Variants in PLA2G4F observed in about 807,000 individuals in gnomAD.
The protein encoded by PLA2G4F is phospholipase A2 group IVF, also known as cytosolic phospholipase A2 zeta.
PLA2G4F carries 105 observed loss-of-function variants against 103.1 expected under a neutral mutation model. The observed-to-expected ratio is 1.02, with a 90% CI of 0.87 to 1.20. PLA2G4F has a LOEUF of 1.20. PLA2G4F is among the 50% of genes most tolerant of loss of function. PLA2G4F has a pLI of 0.00. For missense variants in PLA2G4F, 1,155 were observed against 1,075.9 expected (o/e 1.07, Z -1.03); for synonymous variants, 468 against 441.1 (o/e 1.06, Z -0.76).
intron 16 of PLA2G4F, 75 bp downstream of exon 16, chr15:42,145,500 C>T: frequency 1.4e-6 from 2 of 1,432,112 alleles, no homozygotes; most frequent in Admixed American, 1.7e-5. Context: ...TGTCCCCTCC[C>T]TCATTCTTCT....
intron 6 of PLA2G4F, among the ~76,000 whole-genome samples, chr15:42,153,050 C>T (rs1029807070): frequency 6.6e-6 from 1 of 152,188 alleles, no homozygotes; most frequent in Non-Finnish European, 1.5e-5. Context: ...GTGGCTGCTC[C>T]GGTGGTCTCA....
At position 42,147,231 on chromosome 15, in the gene PLA2G4F, G is replaced by A. The variant is rs760514912; in HGVS notation, c.1312C>T (p.Arg438Trp). The A allele has an allele frequency of 2.0e-5, 32 of 1,612,718 alleles. No individual in the cohort carries two copies. Among genetic ancestry groups the A allele is most frequent in the African/African-American group, 2.7e-5 (2 of 74,972 alleles). Residue 438 changes from arginine to tryptophan, a missense_variant, in exon 13 of 20, where the codon CGG (arginine) becomes TGG (tryptophan). Coordinates refer to ENST00000397272, the MANE Select transcript of PLA2G4F (RefSeq NM_213600.4). The part of the protein sequence containing the change: ...SSKMGALSTE[R>W]LQYYTQELGV... ...AGTTCCTGAGTGTAGTACTGTAGCC[G>A]CTCCGTGGACAAAGCTCCCATCTTA...
Position 42,151,231 on chromosome 15 carries a change from C to T in PLA2G4F, c.602-454G>A, listed in dbSNP as rs2048958768. On this transcript the variant is annotated intron_variant, in intron 7 of 19. Coordinates refer to ENST00000397272, the MANE Select transcript of PLA2G4F (RefSeq NM_213600.4). ...CTGCAAGTTGTTCTGGCCTTTGTTT[C>T]CAAGTGTAGAACGTTGGGAGAGGAA... The T allele has an allele frequency of 6.1e-6, 6 of 985,224 alleles. No homozygotes were observed. The South Asian group carries it at 2.3e-4, about 39-fold the overall frequency. The allele number at this position is 985,224 out of a possible 1,614,324, so 61.0% of individuals were successfully genotyped here.
Position 42,144,027 on chromosome 15 carries a change from G to C in PLA2G4F, c.2093C>G (p.Ala698Gly), listed in dbSNP as rs758203357. The C allele has an allele frequency of 1.2e-6, 2 of 1,613,980 alleles. No individual in the cohort carries two copies. Residue 698 changes from alanine to glycine, a missense_variant, in exon 18 of 20, where the codon GCA becomes GGA. Ala to Gly is a moderately conservative substitution (Grantham distance 60). Around this residue, in one of 3 missense-constraint regions of PLA2G4F, gnomAD observed 782 missense variants for 692.9 expected, o/e 1.13. Transcript: ENST00000397272. ...GTCAAAGGACAGAATGAGGTCCACT[G>C]CTCTCTGAGGCAGCAGAGCCAGTGG... ...PFPLALLPQR[A>G]VDLILSFDYS... is the part of the protein sequence containing the mutation.
At chr15:42,143,335 T>TC (rs1290642139) in intron 18 of PLA2G4F, among the ~76,000 whole-genome samples, 2 of 152,034 alleles carry the variant, frequency 1.3e-5, no homozygotes, top group East Asian at 1.9e-4. Context: ...CTCTCACCCC[T>TC]CTCTGCTCCC....
rs2141123366 is a variant in PLA2G4F at position 42,141,427 on chromosome 15, G to A, written c.*557C>T. 1 of 451,950 alleles carries A rather than the reference G, an allele frequency of 2.2e-6. No homozygotes were observed. The allele number at this position is 451,950 out of a possible 1,614,324, so 28.0% of individuals were successfully genotyped here. On this transcript the variant is annotated 3_prime_UTR_variant, in exon 20 of 20. Transcript: ENST00000397272. The stretch of plus-strand genomic sequence containing the variant: ...ACGAGGAGACCAGAAGGCAGAAGGA[G>A]GGTTAGGATGATGGAGTCAGCAACA...
Position 42,141,921 on chromosome 15 carries a change from T to C in PLA2G4F, c.*63A>G. On this transcript the variant is annotated 3_prime_UTR_variant, in exon 20 of 20. Transcript: ENST00000397272. ...ACAGAGTCCCCATCGCTCCTCCCTC[T>C]ACAAGCCCTGACCATGAGCAGTGTG... 1 of 1,508,060 alleles carries C rather than the reference T, an allele frequency of 6.6e-7. No individual in the cohort carries two copies. The highest frequency in any genetic ancestry group is 9.1e-7 in the Non-Finnish European group (1 of 1,098,398). The allele number at this position is 1,508,060 out of a possible 1,614,324, so 93.4% of individuals were successfully genotyped here. A position where few individuals can be genotyped will look rare whatever the true frequency, so the allele number is the denominator to read the frequency against.
At position 42,149,723 on chromosome 15, in the gene PLA2G4F, T is replaced by A. The variant is rs1340454168; in HGVS notation, c.1049A>T (p.Asp350Val). ...QQVLGLSEAL[D>V]SGQVPVVAVL... is the part of the protein sequence containing the mutation. ...TCCTCCATTACGTACCTGGCCACTG[T>A]CCAGAGCCTCACTCAATCCCAGCAC... is the stretch of plus-strand genomic sequence containing the variant. The change falls in exon 11 of 20, where the codon GAC becomes GTC. Residue 350 changes from aspartate to valine, a missense_variant. By Grantham distance (152) the Asp-to-Val change is radical. This residue lies in a region of PLA2G4F where 782 missense variants were observed against 692.9 expected (regional missense o/e 1.13). Transcript: ENST00000397272. The A allele has an allele frequency of 3.1e-6, 5 of 1,614,040 alleles. No individual in the cohort carries two copies. Among genetic ancestry groups the A allele is most frequent in the Non-Finnish European group, 4.2e-6 (5 of 1,180,022 alleles).
Position 42,145,682 on chromosome 15 carries a change from C to A in PLA2G4F, c.1673G>T (p.Gly558Val). ...GGTGGCAAAGGCGCTGCCCCACATA[C>A]CTAAGGAGACAGGCAGGCCCCCACC... ...QPEPRICYLQ[G>V]MWGSAFATSL... The change falls in exon 16 of 20, where the codon GGT becomes GTT. Residue 558 changes from glycine (G) to valine (V), a missense_variant and splice_region_variant. Physicochemically the swap from Gly to Val is moderately radical, Grantham distance 109 (BLOSUM62 -3). Transcript: ENST00000397272. The A allele has an allele frequency of 6.2e-7, 1 of 1,614,078 alleles. No individual in the cohort carries two copies. The highest frequency in any genetic ancestry group is 8.5e-7 in the Non-Finnish European group (1 of 1,180,010).
intron 11 of PLA2G4F, 102 bp from the exon 12 acceptor site, chr15:42,147,864 T>C: frequency 6.7e-7 from 1 of 1,481,624 alleles, no homozygotes; most frequent in Non-Finnish European, 9.1e-7. Flanking sequence ...TTACACGTAT[T>C]ATCTCATTGA....
At chr15:42,156,053 C>T (rs1164163914) in intron 1 of PLA2G4F, among the ~76,000 whole-genome samples, 13 of 152,126 alleles carry the variant, frequency 8.5e-5, no homozygotes, top group Admixed American at 7.9e-4. Flanking sequence ...CGAGAGTCAC[C>T]GGCCGGCCGG....
chr15:42,148,063 G>A (rs547042064), intron 11 of PLA2G4F, among the ~76,000 whole-genome samples: 27 of 151,964 alleles, frequency 1.8e-4, no homozygotes, highest in Non-Finnish European at 2.9e-4. Context: ...CCTGCCTGTA[G>A]TCCCAGCTAT....
intron 19 of PLA2G4F, 90 bp from the exon 20 acceptor site, chr15:42,142,294 C>G: frequency 7.5e-7 from 1 of 1,326,620 alleles, no homozygotes; most frequent in Non-Finnish European, 1.0e-6. Flanking sequence ...GTGCAGGACA[C>G]CTGGCTGGCT....
intron 13 of PLA2G4F, among the ~76,000 whole-genome samples, 178 bp from the exon 14 acceptor site, chr15:42,146,419 A>G (rs953564414): frequency 6.6e-6 from 1 of 152,198 alleles, no homozygotes; most frequent in Non-Finnish European, 1.5e-5. Flanking sequence ...AGCCAAGGGG[A>G]GCCCACAGTG....
chr15:42,151,365 GGGA>G (rs1476694557), intron 7 of PLA2G4F: 1 of 985,086 alleles, frequency 1.0e-6, no homozygotes, highest in African/African-American at 1.7e-5. Flanking sequence ...GGCCCAGGCT[GGGA>G]GGAGTGAGGG....
In PLA2G4F at chr15:42,152,745, A is replaced by G. The variant is rs956948666; in HGVS notation, c.544T>C (p.Cys182Arg). ...CGGAGCGTGCCCTGGATTCTCAGAC[A>G]GGGGTGAGCCTGAGGAAAGCAGAGG... is the stretch of plus-strand genomic sequence containing the variant. ...ITNGVLVAHP[C>R]LRIQGTLRGD... is the part of the protein sequence containing the mutation. The change falls in exon 7 of 20, where the codon TGT (cysteine) becomes CGT (arginine). Residue 182 changes from cysteine (C) to arginine (R), a missense_variant. Cys to Arg is a radical substitution (Grantham distance 180). Coordinates refer to ENST00000397272, the MANE Select transcript of PLA2G4F (RefSeq NM_213600.4). 6 of 1,555,606 alleles carry G rather than the reference A, an allele frequency of 3.9e-6. No individual in the cohort carries two copies. In the African/African-American group the frequency reaches 5.5e-5, roughly 14 times the overall value.
rs374608204 is a variant in PLA2G4F at position 42,142,024 on chromosome 15, G to A, written c.2510C>T (p.Ala837Val). The change falls in exon 20 of 20, where the codon GCT (alanine) becomes GTT (valine). Residue 837 changes from alanine (A) to valine (V), a missense_variant. Physicochemically the swap from Ala to Val is moderately conservative, Grantham distance 64. Transcript: ENST00000397272. ...CTCCCGAGCCTGGTGCCGGTCCAGA[G>A]CCAGCTGGAGGGCGCACTTCAAGGT... Reference protein sequence around the residue: ...VETLKCALQLALDRHQARERA... With the variant: ...VETLKCALQLVLDRHQARERA... The A allele has an allele frequency of 6.8e-6, 11 of 1,614,012 alleles. No individual in the cohort carries two copies. Among genetic ancestry groups the A allele is most frequent in the African/African-American group, 1.3e-5 (1 of 74,924 alleles).
At chr15:42,150,026 G>C in intron 10 of PLA2G4F, 78 bp downstream of exon 10, 11 of 1,596,132 alleles carry the variant, frequency 6.9e-6, no homozygotes, top group Non-Finnish European at 9.4e-6. Context: ...TCTTGGGCAA[G>C]AGAATGGAGC....
chr15:42,156,491 G>GC lies in PLA2G4F; in HGVS notation c.58dup (p.Ala20GlyfsTer26). The stretch of plus-strand genomic sequence containing the variant: ...CTTCTCTCTCTTCTGAAGCAGCACT[G>GC]CCCCCAGGAGGGGCAGCATCTTGTC... On this transcript the variant is annotated frameshift_variant, in exon 1 of 20. Transcript: ENST00000397272. LOFTEE classifies it high-confidence loss of function. 6.4e-7 allele frequency: 1 copy of GC among 1,564,422 alleles called. No individual in the cohort carries two copies.
Sources: gnomAD v4.1 joint callset for allele counts (sites outside exome capture counted in the v4.1 genomes callset) on GRCh38, gnomAD v4.1.1 for gene constraint, gnomAD v4.1.1 regional missense constraint, MANE v1.5 for transcripts, NCBI Gene and HGNC (gene_info 2026-07-23, HGNC 2026-07-21) for gene names.